LUZP2: variants seen among roughly 807,000 people sequenced by gnomAD.
The protein encoded by LUZP2 is leucine zipper protein 2.
LUZP2 carries 52 observed loss-of-function variants against 51.6 expected under a neutral mutation model. The observed-to-expected ratio is 1.01, with a 90% CI of 0.81 to 1.27. The LOEUF (loss-of-function observed/expected upper bound fraction) is 1.27, where lower values mean the gene tolerates loss of function less well. Ranked by LOEUF, LUZP2 falls within the 50% of genes most tolerant of loss-of-function variation. The probability of loss-of-function intolerance (pLI) is 0.00; values close to 1 mark genes in which losing one functional copy is unlikely to be tolerated. For missense variants in LUZP2, 436 were observed against 395.4 expected, an observed-to-expected ratio of 1.10 and a Z score of -0.87; for synonymous variants, 154 against 137.3, an observed-to-expected ratio of 1.12 and a Z score of -0.85.
At chr11:24,536,634 T>C (rs779953015) in intron 1 of LUZP2, among the ~76,000 whole-genome samples, 3 of 151,884 alleles carry the variant, frequency 2.0e-5, no homozygotes, top group Non-Finnish European at 4.4e-5. Flanking sequence ...AATAGAACAT[T>C]GTGGCTGGTT....
At chr11:24,892,831 G>A (rs1315634801) in intron 5 of LUZP2, 1 of 152,168 alleles carries the variant, frequency 6.6e-6, no homozygotes, top group African/African-American at 2.4e-5. Flanking sequence ...ACTTCAAAGA[G>A]ATGACAGGTT....
intron 9 of LUZP2, among the ~76,000 whole-genome samples, chr11:25,023,433 G>A (rs555302166): frequency 1.3e-5 from 2 of 152,224 alleles, no homozygotes; most frequent in African/African-American, 4.8e-5. Flanking sequence ...TTTGCATAGA[G>A]ATATTTATAG....
chr11:24,727,549 G>C (rs1377235745), intron 1 of LUZP2, among the ~76,000 whole-genome samples: 1 of 151,976 alleles, frequency 6.6e-6, no homozygotes, highest in East Asian at 1.9e-4. Flanking sequence ...TATGAATTAT[G>C]GTCACTTAAG....
chr11:24,748,040 G>A (rs1189214427), intron 4 of LUZP2, among the ~76,000 whole-genome samples: 1 of 152,108 alleles, frequency 6.6e-6, no homozygotes, highest in Non-Finnish European at 1.5e-5. Context: ...TCTGCAAGCT[G>A]GATTTGTACC....
intron 9 of LUZP2, among the ~76,000 whole-genome samples, chr11:25,019,240 A>T (rs1857257259): frequency 6.6e-6 from 1 of 152,216 alleles, no homozygotes; most frequent in Non-Finnish European, 1.5e-5. Flanking sequence ...AGAATCTATC[A>T]TATAGAATTC....
intron 5 of LUZP2, among the ~76,000 whole-genome samples, chr11:24,775,128 C>T (rs573152413): frequency 1.3e-5 from 2 of 151,826 alleles, no homozygotes; most frequent in East Asian, 3.9e-4. Context: ...ACGACAATAA[C>T]CCAGAAAAGT....
intron 1 of LUZP2, among the ~76,000 whole-genome samples, chr11:24,650,678 C>T (rs1855599548): frequency 6.6e-6 from 1 of 152,002 alleles, no homozygotes; most frequent in Non-Finnish European, 1.5e-5. Context: ...GGCTGAAATT[C>T]CTACATAATC....
intron 1 of LUZP2, among the ~76,000 whole-genome samples, chr11:24,598,566 A>G (rs1853520464): frequency 6.6e-6 from 1 of 152,160 alleles, no homozygotes; most frequent in African/African-American, 2.4e-5. Flanking sequence ...CGATTGTGCA[A>G]ATATCTATAT....
chr11:25,037,447 A>G (rs1220985769), intron 9 of LUZP2, among the ~76,000 whole-genome samples: 2 of 151,992 alleles, frequency 1.3e-5, no homozygotes, highest in East Asian at 1.9e-4. Flanking sequence ...TGTTTAGCCC[A>G]TTTACATTCA....
intron 1 of LUZP2, among the ~76,000 whole-genome samples, chr11:24,695,893 A>C (rs988967325): frequency 6.6e-6 from 1 of 152,042 alleles, no homozygotes; most frequent in African/African-American, 2.4e-5. Context: ...TTTCTAAAAA[A>C]AAAAGCCTTT....
intron 9 of LUZP2, among the ~76,000 whole-genome samples, chr11:24,984,549 T>TATAAAAAA (rs60530495): frequency 1.4e-5 from 1 of 71,224 alleles, no homozygotes; most frequent in African/African-American, 4.8e-5. Flanking sequence ...TATATATATA[T>TATAAAAAA]AATTGTGAAT....
intron 1 of LUZP2, among the ~76,000 whole-genome samples, chr11:24,681,397 A>T (rs1037892069): frequency 2.6e-5 from 4 of 152,210 alleles, no homozygotes; most frequent in Non-Finnish European, 5.9e-5. Flanking sequence ...TAATTACTCA[A>T]GTTATAAGTG....
chr11:25,027,869 C>CAAA (rs66524969), intron 9 of LUZP2, among the ~76,000 whole-genome samples: 2 of 92,496 alleles, frequency 2.2e-5, no homozygotes, highest in South Asian at 3.2e-4. Flanking sequence ...AATTCCGTCT[C>CAAA]AAAAAAAAAA....
intron 7 of LUZP2, among the ~76,000 whole-genome samples, chr11:24,942,111 G>A (rs1254470995): frequency 6.6e-6 from 1 of 152,022 alleles, no homozygotes; most frequent in Non-Finnish European, 1.5e-5. Flanking sequence ...TTCCCTGTTA[G>A]CTAACTGATT....
chr11:25,062,669 T>C (rs7947429), intron 10 of LUZP2, among the ~76,000 whole-genome samples: 55,652 of 149,592 alleles, frequency 0.37, 13,325 homozygotes, highest in East Asian at 0.78. Flanking sequence ...TGTGTGTCTT[T>C]CCGTCTCCAA....
chr11:24,654,771 C>A (rs1025613077), intron 1 of LUZP2, among the ~76,000 whole-genome samples: 5 of 152,008 alleles, frequency 3.3e-5, no homozygotes, highest in African/African-American at 1.2e-4. Context: ...GTGATCCACC[C>A]GCTTCGGCCT....
chr11:24,660,212 G>A lies in LUZP2; in HGVS notation c.63-68957G>A, dbSNP rs1855972715. On this transcript the variant is annotated intron_variant, in intron 1 of 11. Transcript: ENST00000336930. ...TTTGAAGGCAATCTTGTAAACATAG[G>A]ACCCAGTAAAAGCGTGCCAGTCCAT... 2.0e-5 allele frequency among the ~76,000 whole-genome samples: 3 copies of A among 152,054 alleles called. No homozygotes were observed. In the South Asian group the frequency reaches 6.2e-4, roughly 32 times the overall value.
intron 5 of LUZP2, among the ~76,000 whole-genome samples, chr11:24,785,571 G>A (rs1448419743): frequency 1.3e-5 from 2 of 151,834 alleles, no homozygotes; most frequent in South Asian, 2.1e-4. Context: ...ATAAATATAA[G>A]AAGAGTATGA....
intron 10 of LUZP2, among the ~76,000 whole-genome samples, chr11:25,064,747 C>T (rs990800979): frequency 1.3e-5 from 2 of 151,882 alleles, no homozygotes; most frequent in African/African-American, 4.8e-5. Context: ...TTTCCATTTT[C>T]CCAATCTGCT....
Sources: gnomAD v4.1 joint callset for allele counts (sites outside exome capture counted in the v4.1 genomes callset) on GRCh38, gnomAD v4.1.1 for gene constraint, MANE v1.5 for transcripts, NCBI Gene and HGNC (gene_info 2026-07-23, HGNC 2026-07-21) for gene names.